PPP1R12A: variants seen among roughly 807,000 people sequenced by gnomAD.
PPP1R12A encodes the protein myosin binding subunit.
PPP1R12A carries 19 observed loss-of-function variants against 139.6 expected under a neutral mutation model. The observed-to-expected ratio is 0.14, with a 90% confidence interval of 0.09 to 0.20. The LOEUF (loss-of-function observed/expected upper bound fraction) is 0.20. Among genes scored for constraint, PPP1R12A ranks in the 10% least tolerant of loss-of-function variants. The pLI is 1.00. For synonymous variants in PPP1R12A, 427 were observed against 420.6 expected, an observed-to-expected ratio of 1.02 and a Z score of -0.19; for missense variants, 925 against 1,211.5, an observed-to-expected ratio of 0.76 and a Z score of 3.51.
intron 1 of PPP1R12A, among the ~76,000 whole-genome samples, chr12:79,908,516 C>T (rs1886308292): frequency 6.6e-6 from 1 of 151,932 alleles, no homozygotes; most frequent in Non-Finnish European, 1.5e-5. Context: ...ATCAGATTAT[C>T]CAATAAAAAC....
rs1012047281 is a variant in PPP1R12A at position 79,887,896 on chromosome 12, A to C, written c.238-14958T>G. Among the ~76,000 whole-genome samples, 9 of 152,318 alleles carry C rather than the reference A, an allele frequency of 5.9e-5. No individual in the cohort carries two copies. The South Asian group carries it at 8.3e-4, about 14-fold the overall frequency. On this transcript the variant is annotated intron_variant, in intron 1 of 24. Transcript: ENST00000450142. The stretch of plus-strand genomic sequence containing the variant: ...ACACTTTAAGTCATTAACCTCTTAA[A>C]GTCACTGAGTTATTTCCCAAAAACA...
chr12:79,786,550 CT>C, intron 21 of PPP1R12A, 72 bp from the exon 22 acceptor site: 1 of 980,582 alleles, frequency 1.0e-6, no homozygotes, highest in Non-Finnish European at 1.5e-6. Flanking sequence ...TCATTGATTA[CT>C]TTGCAATATT....
chr12:79,890,892 C>T (rs1238404464), intron 1 of PPP1R12A, among the ~76,000 whole-genome samples: 3 of 100,658 alleles, frequency 3.0e-5, no homozygotes, highest in Non-Finnish European at 5.8e-5. Flanking sequence ...ACACACCACC[C>T]ACCCACACCC....
chr12:79,788,057 G>A (rs534677913), intron 21 of PPP1R12A: 1 of 152,392 alleles, frequency 6.6e-6, no homozygotes, highest in East Asian at 1.9e-4. Flanking sequence ...TACTCATAAT[G>A]TAAAATGATT....
At chr12:79,844,008 C>T (rs74598400) in intron 3 of PPP1R12A, among the ~76,000 whole-genome samples, 2,851 of 152,062 alleles carry the variant, frequency 0.019, 90 homozygotes, top group African/African-American at 0.065. Context: ...CAAGCTGGAT[C>T]ATATTTTATA....
intron 14 of PPP1R12A, among the ~76,000 whole-genome samples, chr12:79,801,340 T>C (rs1873130502): frequency 1.8e-5 from 1 of 55,018 alleles, no homozygotes; most frequent in Non-Finnish European, 3.4e-5. Flanking sequence ...AGCAAAACTC[T>C]GTCTCAAAAA....
intron 9 of PPP1R12A, among the ~76,000 whole-genome samples, chr12:79,812,773 C>A (rs767484762): frequency 3.3e-5 from 5 of 152,112 alleles, no homozygotes; most frequent in African/African-American, 9.7e-5. Flanking sequence ...CAAACCATCT[C>A]TTCTTCAGTT....
At chr12:79,829,013 C>CA (rs2137142196) in intron 4 of PPP1R12A, among the ~76,000 whole-genome samples, 1 of 152,026 alleles carries the variant, frequency 6.6e-6, no homozygotes, top group East Asian at 1.9e-4. Flanking sequence ...CAAAACAAAG[C>CA]AAAAAACATA....
At chr12:79,903,075 T>C (rs1296432018) in intron 1 of PPP1R12A, among the ~76,000 whole-genome samples, 1 of 152,154 alleles carries the variant, frequency 6.6e-6, no homozygotes, top group East Asian at 1.9e-4. Flanking sequence ...CTACACACTG[T>C]CCACGAGTGA....
At chr12:79,791,225 T>C (rs1364238221) in intron 19 of PPP1R12A, among the ~76,000 whole-genome samples, 1 of 152,238 alleles carries the variant, frequency 6.6e-6, no homozygotes, top group Non-Finnish European at 1.5e-5. Context: ...CATCTTACCT[T>C]ATAGTCTGCA....
At chr12:79,929,778 A>AC (rs1336631564) in intron 1 of PPP1R12A, among the ~76,000 whole-genome samples, 2 of 152,184 alleles carry the variant, frequency 1.3e-5, no homozygotes, top group African/African-American at 4.8e-5. Flanking sequence ...CAAAAAAAAA[A>AC]AAAGATTTTT....
At chr12:79,861,777 G>C (rs1304627911) in intron 2 of PPP1R12A, among the ~76,000 whole-genome samples, 4 of 152,180 alleles carry the variant, frequency 2.6e-5, no homozygotes, top group African/African-American at 7.2e-5. Context: ...TGCTGGGCTT[G>C]AGTAGGTGGT....
chr12:79,798,294 T>C (rs770637088), intron 15 of PPP1R12A, among the ~76,000 whole-genome samples, 200 bp downstream of exon 15: 33 of 152,158 alleles, frequency 2.2e-4, no homozygotes, highest in Non-Finnish European at 3.2e-4. Context: ...CTTTACCTTT[T>C]AAGGATTTAT....
chr12:79,931,280 G>A (rs1414579280), intron 1 of PPP1R12A, among the ~76,000 whole-genome samples: 3 of 152,096 alleles, frequency 2.0e-5, no homozygotes, highest in African/African-American at 7.2e-5. Flanking sequence ...GGCAAAGGGG[G>A]TGAACTTGTA....
At chr12:79,822,045 C>T in intron 6 of PPP1R12A, 71 bp downstream of exon 6, 1 of 1,097,032 alleles carries the variant, frequency 9.1e-7, no homozygotes, top group Non-Finnish European at 1.3e-6. Context: ...CACAAGAATA[C>T]TTTTGTAATT....
Position 79,806,171 on chromosome 12 carries a change from T to C in PPP1R12A, c.1818A>G (p.Gln606=). 6.2e-7 allele frequency: 1 copy of C among 1,613,852 alleles called. No individual in the cohort carries two copies. The highest frequency in any genetic ancestry group is 8.5e-7 in the Non-Finnish European group (1 of 1,179,766). The change falls in exon 13 of 25, where the codon CAA becomes CAG. Residue 606 remains glutamine (Q), a synonymous_variant. Transcript: ENST00000450142. ...ITTGSSSAGT[Q]SSTSNRLWAE... The stretch of plus-strand genomic sequence containing the variant: ...AAAATGTATCTGTGACTTACCTGCT[T>C]TGTGTGCCTGCTGAGGAAGAACCCG...
rs755718336 is a variant in PPP1R12A, at chr12:79,805,648, C to G, written c.1944G>C (p.Leu648=). The G allele has an allele frequency of 1.2e-6, 2 of 1,613,772 alleles. No homozygotes were observed. Among genetic ancestry groups the G allele is most frequent in the South Asian group, 2.2e-5 (2 of 91,072 alleles). ...VVNAAASTTT[L]TTTTAGTVSS... Reference sequence around the variant, plus strand: ...AGACAGTGCCAGCAGTAGTTGTAGTCAGGGTTGTGGTAGAAGCTGCAGCAT... The same window carrying G: ...AGACAGTGCCAGCAGTAGTTGTAGTGAGGGTTGTGGTAGAAGCTGCAGCAT... The change falls in exon 14 of 25, where the codon CTG becomes CTC. Residue 648 remains leucine, a synonymous_variant. Coordinates refer to ENST00000450142, the MANE Select transcript of PPP1R12A (RefSeq NM_002480.3).
chr12:79,869,784 C>G (rs989054683), intron 2 of PPP1R12A, among the ~76,000 whole-genome samples: 3 of 152,032 alleles, frequency 2.0e-5, no homozygotes, highest in Admixed American at 1.3e-4. Context: ...ATTGGTCAAG[C>G]ACACAAAGCT....
In PPP1R12A at chr12:79,775,839, A is replaced by G. The variant is rs1869651185; in HGVS notation, c.*90T>C. On this transcript the variant is annotated 3_prime_UTR_variant, in exon 25 of 25. Transcript: ENST00000450142. ...GGATATCCGAAAATGACAGTCTCCA[A>G]GGATTCTTCCCAGACTTCCAGTGAC... is the stretch of plus-strand genomic sequence containing the variant. 1 of 837,624 alleles carries G rather than the reference A, an allele frequency of 1.2e-6. No homozygotes were observed. Among genetic ancestry groups the G allele is most frequent in the Non-Finnish European group, 1.8e-6 (1 of 570,762 alleles). The allele number at this position is 837,624 out of a possible 1,614,324, so 51.9% of individuals were successfully genotyped here.
Sources: allele counts gnomAD v4.1 joint callset (sites outside exome capture counted in the v4.1 genomes callset), GRCh38; gene constraint gnomAD v4.1.1; transcripts MANE v1.5; gene names NCBI Gene and HGNC (gene_info 2026-07-23, HGNC 2026-07-21).